The following JHY variants were observed in gnomAD, a reference collection of about 807,000 sequenced individuals.
JHY encodes jhy protein homolog.
Under a neutral mutation model 78.0 loss-of-function variants are expected in JHY, and 69 were observed. The observed-to-expected ratio is 0.88, with a 90% CI of 0.73 to 1.08. The LOEUF (loss-of-function observed/expected upper bound fraction) is 1.08, where lower values mean the gene tolerates loss of function less well. Among genes scored for constraint, JHY ranks in the 50% least tolerant of loss-of-function variants. The pLI is 0.00. For missense variants in JHY, 944 were observed against 927.8 expected, an observed-to-expected ratio of 1.02 and a Z score of -0.23; for synonymous variants, 368 against 342.6, an observed-to-expected ratio of 1.07 and a Z score of -0.82.
Position 122,959,563 on chromosome 11 carries a change from C to A in JHY, c.*118C>A. 2 of 999,004 alleles carry A rather than the reference C, an allele frequency of 2.0e-6. No individual in the cohort carries two copies. The highest frequency in any genetic ancestry group is 1.6e-5 in the African/African-American group (1 of 60,958). The allele number at this position is 999,004 out of a possible 1,614,324, so 61.9% of individuals were successfully genotyped here. On this transcript the variant is annotated 3_prime_UTR_variant, in exon 9 of 9. Transcript: ENST00000227349. ...CCTATTATTATCATCTATCTGCCGTCCATGTTTGCTTTCTGCAGGATTTAA... is the reference window on the plus strand; with the variant it reads ...CCTATTATTATCATCTATCTGCCGTACATGTTTGCTTTCTGCAGGATTTAA...
intron 8 of JHY, among the ~76,000 whole-genome samples, chr11:122,958,446 T>TC: frequency 6.6e-6 from 1 of 152,326 alleles, no homozygotes; most frequent in Admixed American, 6.5e-5. Context: ...CATTTTTTTT[T>TC]CATGAAGAGT....
At chr11:122,932,386 C>T (rs1022789899) in intron 4 of JHY, among the ~76,000 whole-genome samples, 1 of 152,062 alleles carries the variant, frequency 6.6e-6, no homozygotes, top group Non-Finnish European at 1.5e-5. Flanking sequence ...GTCAGAGCGC[C>T]CTGTGAACAG....
At chr11:122,955,274 C>G (rs528573649) in intron 6 of JHY, among the ~76,000 whole-genome samples, 1 of 152,212 alleles carries the variant, frequency 6.6e-6, no homozygotes, top group East Asian at 1.9e-4. Context: ...GTGCCTGCCA[C>G]CACGCCCACC....
Position 122,882,928 on chromosome 11 carries a change from A to G in JHY, c.-134A>G, listed in dbSNP as rs1190798970. The stretch of plus-strand genomic sequence containing the variant: ...GCGGCGGCGGCGGCGGCGCGGGAGG[A>G]TGCGGGGCCCGTCCGGGTCGCGGCC... On this transcript the variant is annotated 5_prime_UTR_variant, in exon 1 of 9. It removes an upstream start codon present in the reference 5' UTR. Transcript: ENST00000227349. 6.6e-6 allele frequency: 1 copy of G among 151,504 alleles called. No individual in the cohort carries two copies. The highest frequency in any genetic ancestry group is 2.4e-5 in the African/African-American group (1 of 41,132). 9.4% of individuals were successfully genotyped at this position (151,504 alleles called of 1,614,324 possible).
At chr11:122,955,933 C>T (rs1390396350) in intron 6 of JHY, among the ~76,000 whole-genome samples, 1 of 152,058 alleles carries the variant, frequency 6.6e-6, no homozygotes, top group Non-Finnish European at 1.5e-5. Flanking sequence ...AGTCATTTGG[C>T]CCAGTAAACT....
intron 8 of JHY, chr11:122,958,697 T>G (rs1285402696): frequency 1.0e-6 from 1 of 979,896 alleles, no homozygotes; most frequent in East Asian, 1.1e-4. Context: ...CTTTCAGAAC[T>G]GACATCACTG....
intron 4 of JHY, 116 bp downstream of exon 4, chr11:122,925,126 C>G: frequency 1.2e-6 from 1 of 811,852 alleles, no homozygotes; most frequent in East Asian, 2.8e-5. Context: ...AGAATAATTA[C>G]CCACTTTCCT....
In JHY at chr11:122,960,564, G is replaced by A. The variant is rs1864292076; in HGVS notation, c.*1119G>A. The A allele has an allele frequency of 1.2e-5, 3 of 243,404 alleles. No individual in the cohort carries two copies. The highest frequency in any genetic ancestry group is 1.2e-4 in the Admixed American group (3 of 25,016). The allele number at this position is 243,404 out of a possible 1,614,324, so 15.1% of individuals were successfully genotyped here. The stretch of plus-strand genomic sequence containing the variant: ...TGAAACCAGTGTAACAGGACCCTAT[G>A]TGCTCCAAACTGGGCTTATCTTGTA... On this transcript the variant is annotated 3_prime_UTR_variant, in exon 9 of 9. Transcript: ENST00000227349.
At chr11:122,925,745 C>T (rs915402388) in intron 4 of JHY, among the ~76,000 whole-genome samples, 2 of 151,806 alleles carry the variant, frequency 1.3e-5, no homozygotes, top group African/African-American at 4.9e-5. Flanking sequence ...AGGTCAGGCC[C>T]GTTGGCTCAT....
At chr11:122,915,774 G>A (rs1233904009) in intron 3 of JHY, among the ~76,000 whole-genome samples, 3 of 151,998 alleles carry the variant, frequency 2.0e-5, no homozygotes, top group Admixed American at 1.3e-4. Flanking sequence ...TCAGCCTCCC[G>A]AAGTGATGGG....
intron 3 of JHY, among the ~76,000 whole-genome samples, chr11:122,913,179 T>C (rs545503621): frequency 3.1e-4 from 47 of 152,078 alleles, no homozygotes; most frequent in Non-Finnish European, 6.0e-4. Flanking sequence ...ACACTCGCCA[T>C]GCTCTCTTGA....
chr11:122,916,497 C>G (rs1863237010), intron 3 of JHY, among the ~76,000 whole-genome samples: 1 of 152,102 alleles, frequency 6.6e-6, no homozygotes, highest in South Asian at 2.1e-4. Context: ...CATTGTTTTT[C>G]TTGCATCAGT....
chr11:122,903,191 T>C (rs79215478), intron 2 of JHY, among the ~76,000 whole-genome samples: 1,743 of 152,358 alleles, frequency 0.011, 29 homozygotes, highest in African/African-American at 0.039. Context: ...TTAGTCAGTG[T>C]ATGAAATGTA....
chr11:122,902,085 G>A (rs1862872792), intron 2 of JHY, among the ~76,000 whole-genome samples: 1 of 144,706 alleles, frequency 6.9e-6, no homozygotes, highest in Admixed American at 6.6e-5. Context: ...AATCCCTCCT[G>A]AAGGACCTGC....
At chr11:122,884,503 G>A (rs564604244) in intron 1 of JHY, among the ~76,000 whole-genome samples, 99 of 152,156 alleles carry the variant, frequency 6.5e-4, no homozygotes, top group African/African-American at 2.3e-3. Context: ...GAAATGCTAG[G>A]TAGAGATGAA....
intron 3 of JHY, among the ~76,000 whole-genome samples, chr11:122,910,318 T>A (rs1863086002): frequency 6.6e-6 from 1 of 152,008 alleles, no homozygotes; most frequent in Non-Finnish European, 1.5e-5. Context: ...TACTAAAAAA[T>A]ACAAAAATTA....
At chr11:122,930,370 G>C (rs2135349169) in intron 4 of JHY, among the ~76,000 whole-genome samples, 1 of 152,298 alleles carries the variant, frequency 6.6e-6, no homozygotes, top group Non-Finnish European at 1.5e-5. Context: ...ATGAGCCACT[G>C]TGCCCAGCCA....
intron 2 of JHY, among the ~76,000 whole-genome samples, chr11:122,903,655 A>C (rs1862910288): frequency 6.6e-6 from 1 of 151,930 alleles, no homozygotes; most frequent in Non-Finnish European, 1.5e-5. Flanking sequence ...TTTTTAAAAA[A>C]ATTTGTTGTA....
At position 122,962,086 on chromosome 11, in the gene JHY, A is replaced by G. The variant is rs1018338644; in HGVS notation, c.*2641A>G. Among the ~76,000 whole-genome samples, 1 of 152,276 alleles carries G rather than the reference A, an allele frequency of 6.6e-6. No individual in the cohort carries two copies. Among genetic ancestry groups the G allele is most frequent in the Non-Finnish European group, 1.5e-5 (1 of 68,048 alleles). On this transcript the variant is annotated 3_prime_UTR_variant, in exon 9 of 9. Coordinates refer to ENST00000227349, the MANE Select transcript of JHY (RefSeq NM_024806.4). ...AAAGCATTCCATAGTTTACTACTGAATACAAATGTTAATAAATATTTTTTA... is the reference window on the plus strand; with the variant it reads ...AAAGCATTCCATAGTTTACTACTGAGTACAAATGTTAATAAATATTTTTTA...
Sources: gnomAD v4.1 joint callset for allele counts (sites outside exome capture counted in the v4.1 genomes callset) on GRCh38, gnomAD v4.1.1 for gene constraint, MANE v1.5 for transcripts, NCBI Gene and HGNC (gene_info 2026-07-23, HGNC 2026-07-21) for gene names.